The following SEMA6A variants were observed in gnomAD, a reference collection of about 807,000 sequenced individuals.
SEMA6A encodes semaphorin 6A, also known as semaphorin-6A.
SEMA6A carries 25 observed loss-of-function variants against 96.8 expected under a neutral mutation model. The ratio of observed to expected loss-of-function variants is 0.26; its 90% confidence interval spans 0.19 to 0.36. The LOEUF is 0.36. Ranked by LOEUF, SEMA6A falls within the 10% of genes least tolerant of loss-of-function variation. SEMA6A has a pLI of 1.00. For synonymous variants in SEMA6A, 612 were observed against 518.0 expected, an observed-to-expected ratio of 1.18 and a Z score of -2.46; for missense variants, 1,363 against 1,323.1, an observed-to-expected ratio of 1.03 and a Z score of -0.47.
intron 18 of SEMA6A, 42 bp from the exon 19 acceptor site, chr5:116,447,853 A>C: frequency 6.8e-7 from 1 of 1,473,140 alleles, no homozygotes; most frequent in South Asian, 1.4e-5. Context: ...ATGAAAGCAC[A>C]CCCCGAGGCT....
intron 1 of SEMA6A, among the ~76,000 whole-genome samples, chr5:116,536,894 A>AAAG (rs1759740305): frequency 2.1e-5 from 3 of 143,808 alleles, no homozygotes; most frequent in African/African-American, 8.0e-5. Context: ...AAAAAAAAAA[A>AAAG]GCAAAACTGG....
At chr5:116,518,673 C>A (rs893727398) in intron 1 of SEMA6A, among the ~76,000 whole-genome samples, 1 of 152,148 alleles carries the variant, frequency 6.6e-6, no homozygotes, top group East Asian at 1.9e-4. Flanking sequence ...GATCCCTGCA[C>A]GTGTGTGCTT....
chr5:116,514,653 T>C (rs934560352), intron 1 of SEMA6A, among the ~76,000 whole-genome samples: 1 of 152,172 alleles, frequency 6.6e-6, no homozygotes, highest in Non-Finnish European at 1.5e-5. Flanking sequence ...TGAGAACTCC[T>C]GACTTCTCTT....
At chr5:116,572,014 A>C (rs1208906349) in intron 1 of SEMA6A, among the ~76,000 whole-genome samples, 1 of 152,202 alleles carries the variant, frequency 6.6e-6, no homozygotes, top group Non-Finnish European at 1.5e-5. Context: ...TTGATGCCCA[A>C]GATGTGTCCA....
Position 116,447,694 on chromosome 5 carries a change from T to G in SEMA6A, c.2012A>C (p.Tyr671Ser). ...TTTGCGCCGATGATCACAGACGCAGTAGACGGTGATGCCCGAGAAGACGGC... is the reference window on the plus strand; with the variant it reads ...TTTGCGCCGATGATCACAGACGCAGGAGACGGTGATGCCCGAGAAGACGGC... The part of the protein sequence containing the change: ...MGAVFSGITV[Y>S]CVCDHRRKDV... Residue 671 changes from tyrosine to serine, a missense_variant, in exon 19 of 19, where the codon TAC becomes TCC. Coordinates refer to ENST00000343348, the MANE Select transcript of SEMA6A (RefSeq NM_020796.5). 6.2e-7 allele frequency: 1 copy of G among 1,613,958 alleles called. No homozygotes were observed. The highest frequency in any genetic ancestry group is 8.5e-7 in the Non-Finnish European group (1 of 1,179,862).
At chr5:116,480,442 GATTTCCTCTGAGCCGCCTCCTC>G (rs1232492856) in intron 11 of SEMA6A, among the ~76,000 whole-genome samples, 165 bp from the exon 12 acceptor site, 2 of 152,206 alleles carry the variant, frequency 1.3e-5, no homozygotes, top group African/African-American at 4.8e-5. Context: ...AATATGCTGA[GATTTCCTCTGAGCCGCCTCCTC>G]ATTTCTGAGG....
chr5:116,461,289 T>C (rs1188552051), intron 18 of SEMA6A, among the ~76,000 whole-genome samples: 1 of 152,146 alleles, frequency 6.6e-6, no homozygotes, highest in African/African-American at 2.4e-5. Context: ...CAGTTAATTT[T>C]CCATTGTTGA....
At chr5:116,467,441 C>T in intron 18 of SEMA6A, 142 bp downstream of exon 18, 1 of 746,542 alleles carries the variant, frequency 1.3e-6, no homozygotes, top group East Asian at 2.9e-5. Flanking sequence ...GATGGGGTTG[C>T]AGTCTTTTTC....
At chr5:116,538,183 GCAAAACAAAACAAAA>G (rs71923662) in intron 1 of SEMA6A, among the ~76,000 whole-genome samples, 1 of 151,580 alleles carries the variant, frequency 6.6e-6, no homozygotes, top group South Asian at 2.1e-4. Context: ...CAAAAACAAA[GCAAAACAAAACAAAA>G]CAAAACAAAA....
rs1756569989 is a variant in SEMA6A, at chr5:116,478,320, G to A, written c.1428-166C>T. On this transcript the variant is annotated intron_variant, in intron 13 of 18. Transcript: ENST00000343348. The stretch of plus-strand genomic sequence containing the variant: ...CACACGTAAACACACACATGTATAT[G>A]TATCTATATAAACACACACACATAT... The A allele has an allele frequency of 5.0e-6, 4 of 795,594 alleles. No individual in the cohort carries two copies. In the South Asian group the frequency reaches 7.4e-5, roughly 15 times the overall value. The allele number at this position is 795,594 out of a possible 1,614,324, so 49.3% of individuals were successfully genotyped here. A position where few individuals can be genotyped will look rare whatever the true frequency, so the allele number is the denominator to read the frequency against.
At chr5:116,496,339 T>A in intron 4 of SEMA6A, 26 bp from the exon 5 acceptor site, 2 of 1,605,890 alleles carry the variant, frequency 1.2e-6, no homozygotes, top group Non-Finnish European at 1.7e-6. Context: ...AAGAAATCAA[T>A]TAGAGCCCAG....
intron 1 of SEMA6A, among the ~76,000 whole-genome samples, chr5:116,519,769 C>G (rs1385551657): frequency 6.6e-6 from 1 of 151,984 alleles, no homozygotes; most frequent in Non-Finnish European, 1.5e-5. Context: ...GACGTAATAT[C>G]CAAGTATGGA....
chr5:116,567,965 A>G (rs1168263403), intron 1 of SEMA6A, among the ~76,000 whole-genome samples: 1 of 152,230 alleles, frequency 6.6e-6, no homozygotes, highest in African/African-American at 2.4e-5. Flanking sequence ...GTTGAAAGCA[A>G]TGTTTCCTTG....
chr5:116,497,368 C>G lies in SEMA6A; in HGVS notation c.238G>C (p.Asp80His). ...TCTTCCGTGTGTGATGTGTCTATAT[C>G]AACAGTATAAATATGGTCCCTATAG... The part of the protein sequence containing the change: ...IAARDHIYTV[D>H]IDTSHTEEIY... The change falls in exon 4 of 19, where the codon GAT becomes CAT. Residue 80 changes from aspartate (D) to histidine (H), a missense_variant. By Grantham distance (81) the Asp-to-His change is moderately conservative (BLOSUM62 -1). Coordinates refer to ENST00000343348, the MANE Select transcript of SEMA6A (RefSeq NM_020796.5). 6.3e-7 allele frequency: 1 copy of G among 1,598,404 alleles called. No individual in the cohort carries two copies. Among genetic ancestry groups the G allele is most frequent in the African/African-American group, 1.3e-5 (1 of 74,694 alleles).
chr5:116,497,142 T>A (rs1257378114), intron 4 of SEMA6A, among the ~76,000 whole-genome samples, 185 bp downstream of exon 4: 1 of 152,212 alleles, frequency 6.6e-6, no homozygotes, highest in Non-Finnish European at 1.5e-5. Context: ...AAATATGAAG[T>A]ACATAACTGT....
At chr5:116,510,934 A>G (rs995764890) in intron 1 of SEMA6A, among the ~76,000 whole-genome samples, 1 of 152,226 alleles carries the variant, frequency 6.6e-6, no homozygotes, top group Admixed American at 6.5e-5. Flanking sequence ...TGTGCAAGGT[A>G]CATATGCCTA....
chr5:116,474,828 G>T (rs1756368726), intron 16 of SEMA6A, among the ~76,000 whole-genome samples: 1 of 152,172 alleles, frequency 6.6e-6, no homozygotes, highest in Non-Finnish European at 1.5e-5. Flanking sequence ...TATTTTCCAA[G>T]AGTATGGTAT....
intron 7 of SEMA6A, among the ~76,000 whole-genome samples, chr5:116,490,028 G>A (rs775151183): frequency 2.6e-5 from 4 of 151,906 alleles, no homozygotes; most frequent in Non-Finnish European, 4.4e-5. Context: ...TATATGTAGT[G>A]TAAACATAAT....
chr5:116,554,580 G>A (rs1331429402), intron 1 of SEMA6A, among the ~76,000 whole-genome samples: 1 of 152,234 alleles, frequency 6.6e-6, no homozygotes, highest in Non-Finnish European at 1.5e-5. Context: ...CTACTGCATA[G>A]AAACCAACTT....
Sources: allele counts gnomAD v4.1 joint callset (sites outside exome capture counted in the v4.1 genomes callset), GRCh38; gene constraint gnomAD v4.1.1; transcripts MANE v1.5; gene names NCBI Gene and HGNC (gene_info 2026-07-23, HGNC 2026-07-21).